The following TRAFD1 variants were observed in gnomAD, a reference collection of about 807,000 sequenced individuals.
TRAFD1 encodes TRAF-type zinc finger domain containing 1, also known as TRAF-type zinc finger domain-containing protein 1.
Under a neutral mutation model 65.3 loss-of-function variants are expected in TRAFD1, and 38 were observed. The observed-to-expected ratio is 0.58, with a 90% CI of 0.45 to 0.76. The LOEUF (loss-of-function observed/expected upper bound fraction) is 0.76. TRAFD1 is among the 30% of genes least tolerant of loss of function. The probability of loss-of-function intolerance (pLI) is 0.00; values close to 1 mark genes in which losing one functional copy is unlikely to be tolerated. For synonymous variants in TRAFD1, 223 were observed against 257.2 expected (o/e 0.87, Z 1.27); for missense variants, 631 against 712.6 (o/e 0.89, Z 1.30).
chr12:112,134,645 T>A, intron 2 of TRAFD1, 93 bp from the exon 3 acceptor site: 1 of 1,404,018 alleles, frequency 7.1e-7, no homozygotes, highest in Non-Finnish European at 9.8e-7. Context: ...GACTAAAGAT[T>A]GGACAGGACA....
intron 2 of TRAFD1, among the ~76,000 whole-genome samples, chr12:112,132,035 G>A (rs961146084): frequency 2.0e-5 from 3 of 152,048 alleles, no homozygotes; most frequent in Non-Finnish European, 4.4e-5. Flanking sequence ...GAACAGCCTT[G>A]TAAAGTAAAT....
intron 1 of TRAFD1, 86 bp downstream of exon 1, chr12:112,125,704 G>A (rs2079532283): frequency 6.6e-6 from 1 of 152,324 alleles, no homozygotes; most frequent in African/African-American, 2.4e-5. Context: ...AGGGGTGTGT[G>A]GGCGAGGGGT....
Position 112,134,838 on chromosome 12 carries a change from G to C in TRAFD1, c.148G>C (p.Asp50His). 1 of 1,613,654 alleles carries C rather than the reference G, an allele frequency of 6.2e-7. No individual in the cohort carries two copies. Among genetic ancestry groups the C allele is most frequent in the East Asian group, 2.2e-5 (1 of 44,866 alleles). Residue 50 changes from aspartate to histidine, a missense_variant, in exon 3 of 12, where the codon GAC becomes CAC. Asp to His is a moderately conservative substitution (Grantham distance 81). Coordinates refer to ENST00000412615, the MANE Select transcript of TRAFD1 (RefSeq NM_006700.3). The stretch of plus-strand genomic sequence containing the variant: ...CTGTAAGGAACCATTTCCCAAATCT[G>C]ACATGGAGACTCACATGGCTGCAGA... Reference protein sequence around the residue: ...PTCKEPFPKSDMETHMAAEHC... With the variant: ...PTCKEPFPKSHMETHMAAEHC...
In TRAFD1 at chr12:112,142,089, T is replaced by C. The variant is rs753804595; in HGVS notation, c.644T>C (p.Phe215Ser). Reference sequence around the variant, plus strand: ...ATGTTGGTTGGTTTTTTTTTTTCAGTTGAAGAACAAGAGAGGCAGGAAAGG... The same window carrying C: ...ATGTTGGTTGGTTTTTTTTTTTCAGCTGAAGAACAAGAGAGGCAGGAAAGG... ...TAQVSIQNNLFEEQERQERNR... is the reference protein window; with the variant it reads ...TAQVSIQNNLSEEQERQERNR... The change falls in exon 6 of 12, where the codon TTT becomes TCT. Residue 215 changes from phenylalanine to serine, a missense_variant and splice_region_variant. By Grantham distance (155) the Phe-to-Ser change is radical. Transcript: ENST00000412615. 5 of 1,612,316 alleles carry C rather than the reference T, an allele frequency of 3.1e-6. No individual in the cohort carries two copies. Among genetic ancestry groups the C allele is most frequent in the South Asian group, 1.1e-5 (1 of 91,026 alleles).
intron 1 of TRAFD1, among the ~76,000 whole-genome samples, chr12:112,128,115 G>A (rs1288573897): frequency 6.6e-6 from 1 of 151,764 alleles, no homozygotes; most frequent in Non-Finnish European, 1.5e-5. Flanking sequence ...TCCACCTCCC[G>A]GGTTCAAGCA....
Position 112,148,322 on chromosome 12 carries a change from C to A in TRAFD1, c.1158+18C>A. ...ATCACCAGGTAAGGGTCCCTGGAGT[C>A]CCTGTCCATGTGGCTCTGTGCGTGA... On this transcript the variant is annotated intron_variant, in intron 8 of 11. Transcript: ENST00000412615. 2 of 1,607,038 alleles carry A rather than the reference C, an allele frequency of 1.2e-6. No homozygotes were observed. The highest frequency in any genetic ancestry group is 1.3e-5 in the African/African-American group (1 of 74,942).
Position 112,142,225 on chromosome 12 carries a change from G to C in TRAFD1, c.780G>C (p.Gln260His), listed in dbSNP as rs1464133615. Reference sequence around the variant, plus strand: ...GCCAAGCCTCCAGTGTGGCAGAGCAGGACTTCTGGAGGGCCGTATGTGAGG... The same window carrying C: ...GCCAAGCCTCCAGTGTGGCAGAGCACGACTTCTGGAGGGCCGTATGTGAGG... ...NEGQASSVAE[Q>H]DFWRAVCEAD... The change falls in exon 6 of 12, where the codon CAG becomes CAC. Residue 260 changes from glutamine (Q) to histidine (H), a missense_variant. Gln to His is a conservative substitution (Grantham distance 24). Transcript: ENST00000412615. The C allele has an allele frequency of 6.2e-7, 1 of 1,613,966 alleles. No homozygotes were observed. Among genetic ancestry groups the C allele is most frequent in the South Asian group, 1.1e-5 (1 of 91,068 alleles).
chr12:112,140,698 G>A, intron 4 of TRAFD1, 121 bp from the exon 5 acceptor site: 2 of 1,145,642 alleles, frequency 1.7e-6, no homozygotes, highest in Non-Finnish European at 2.5e-6. Flanking sequence ...TTAAAAAAGG[G>A]TAGGAGAATC....
At chr12:112,139,355 A>AT (rs1475728175) in intron 4 of TRAFD1, among the ~76,000 whole-genome samples, 1 of 152,134 alleles carries the variant, frequency 6.6e-6, no homozygotes, top group Non-Finnish European at 1.5e-5. Context: ...CTCAAAAAAA[A>AT]GAAAAGAAAA....
intron 1 of TRAFD1, among the ~76,000 whole-genome samples, chr12:112,126,874 G>A (rs2079540756): frequency 6.6e-6 from 1 of 152,024 alleles, no homozygotes; most frequent in South Asian, 2.1e-4. Context: ...GGCTGGTCTC[G>A]AACCCCAGAC....
intron 7 of TRAFD1, among the ~76,000 whole-genome samples, chr12:112,147,740 C>T (rs375073644): frequency 2.4e-4 from 36 of 150,026 alleles, no homozygotes; most frequent in African/African-American, 8.1e-4. Flanking sequence ...GGTGCGATCT[C>T]GGCTCACTGC....
chr12:112,134,412 C>T (rs1044837147), intron 2 of TRAFD1, among the ~76,000 whole-genome samples: 2 of 150,290 alleles, frequency 1.3e-5, no homozygotes, highest in African/African-American at 4.9e-5. Context: ...CCCGCCATCA[C>T]GCCTGGCTAA....
chr12:112,146,181 AAAGAAGAAG>A (rs202116782), intron 7 of TRAFD1, among the ~76,000 whole-genome samples: 1 of 150,454 alleles, frequency 6.6e-6, no homozygotes, highest in African/African-American at 2.5e-5. Context: ...ATAATAAAAA[AAAGAAGAAG>A]AAGAAGAAAA....
At chr12:112,143,545 G>A (rs1437176601) in intron 6 of TRAFD1, among the ~76,000 whole-genome samples, 3 of 151,728 alleles carry the variant, frequency 2.0e-5, no homozygotes, top group South Asian at 2.1e-4. Context: ...ATTTCTTATC[G>A]GTCTTCTAGT....
At chr12:112,143,947 C>T (rs868757554) in intron 6 of TRAFD1, among the ~76,000 whole-genome samples, 2 of 151,132 alleles carry the variant, frequency 1.3e-5, no homozygotes, top group South Asian at 2.1e-4. Flanking sequence ...AGGCTAGTCT[C>T]GAACTCCTGA....
chr12:112,140,763 TA>T, intron 4 of TRAFD1, 55 bp from the exon 5 acceptor site: 2 of 1,592,034 alleles, frequency 1.3e-6, no homozygotes, highest in Non-Finnish European at 1.7e-6. Flanking sequence ...TGCCCTATAC[TA>T]AAACACACCT....
In TRAFD1 at chr12:112,149,767, G is replaced by A. The variant is rs780742090; in HGVS notation, c.1175G>A (p.Arg392His). 1.6e-5 allele frequency: 26 copies of A among 1,613,910 alleles called. No homozygotes were observed. The highest frequency in any genetic ancestry group is 1.6e-4 in the Middle Eastern group (1 of 6,082). The change falls in exon 9 of 12, where the codon CGC (arginine) becomes CAC (histidine). Residue 392 changes from arginine to histidine, a missense_variant. By Grantham distance (29) the Arg-to-His change is conservative. Transcript: ENST00000412615. ...CTTGTTTAGGACCAGTGTGACCAAC[G>A]CCCAGCCACTGCAACCAACCATGTG... ...LFHHQDQCDQ[R>H]PATATNHVTE...
chr12:112,139,116 C>T (rs544554703), intron 4 of TRAFD1, among the ~76,000 whole-genome samples: 1 of 152,152 alleles, frequency 6.6e-6, no homozygotes, highest in East Asian at 1.9e-4. Flanking sequence ...GGTAGGAGGA[C>T]TGCTTGAGCC....
At chr12:112,141,356 C>G in intron 5 of TRAFD1, 132 bp downstream of exon 5, 6 of 1,015,864 alleles carry the variant, frequency 5.9e-6, no homozygotes, top group Non-Finnish European at 8.5e-6. Context: ...GGAAGAATAC[C>G]TCTCTTTCCT....
Sources: gnomAD v4.1 joint callset for allele counts (sites outside exome capture counted in the v4.1 genomes callset) on GRCh38, gnomAD v4.1.1 for gene constraint, MANE v1.5 for transcripts, NCBI Gene and HGNC (gene_info 2026-07-23, HGNC 2026-07-21) for gene names.